Variants in INSC observed in about 807,000 individuals in gnomAD.
INSC encodes INSC spindle orientation adaptor protein, also known as protein inscuteable homolog.
Under a neutral mutation model 58.6 loss-of-function variants are expected in INSC, and 67 were observed. The ratio of observed to expected loss-of-function variants is 1.14; its 90% CI spans 0.94 to 1.40. The LOEUF (loss-of-function observed/expected upper bound fraction) is 1.40. INSC is among the 40% of genes most tolerant of loss of function. The pLI, the probability that INSC is intolerant of heterozygous loss-of-function variation, is 0.00. For synonymous variants in INSC, 262 were observed against 276.1 expected (o/e 0.95, Z 0.51); for missense variants, 714 against 692.0 (o/e 1.03, Z -0.36).
intron 7 of INSC, among the ~76,000 whole-genome samples, chr11:15,211,585 G>A (rs1414466276): frequency 6.6e-6 from 1 of 151,964 alleles, no homozygotes. Context: ...TGCTGCTTGC[G>A]TCCATTTAAG....
intron 6 of INSC, among the ~76,000 whole-genome samples, chr11:15,199,024 T>C (rs1355431255): frequency 6.6e-6 from 1 of 152,184 alleles, no homozygotes; most frequent in African/African-American, 2.4e-5. Flanking sequence ...GCTTCTGCTC[T>C]GTGTTCTTTT....
intron 12 of INSC, among the ~76,000 whole-genome samples, chr11:15,241,040 G>T (rs1433706915): frequency 6.6e-6 from 1 of 152,172 alleles, no homozygotes; most frequent in Admixed American, 6.5e-5. Context: ...CAGCCACCTG[G>T]ATCTTCACCT....
At chr11:15,237,231 T>C (rs1399116102) in intron 10 of INSC, among the ~76,000 whole-genome samples, 1 of 152,140 alleles carries the variant, frequency 6.6e-6, no homozygotes, top group African/African-American at 2.4e-5. Flanking sequence ...TTAACAAAAG[T>C]GACATATGAT....
intron 3 of INSC, 40 bp from the exon 4 acceptor site, chr11:15,177,071 T>G (rs769579675): frequency 2.0e-6 from 3 of 1,529,374 alleles, no homozygotes; most frequent in Non-Finnish European, 2.7e-6. Context: ...CCTCAGTTAA[T>G]GCTTACTGAG....
At chr11:15,159,029 A>G (rs984088438) in intron 2 of INSC, among the ~76,000 whole-genome samples, 5 of 152,116 alleles carry the variant, frequency 3.3e-5, no homozygotes, top group African/African-American at 1.2e-4. Context: ...CCCAGTGTGC[A>G]CTGGCTGTAG....
At chr11:15,156,756 C>T (rs1206128384) in intron 2 of INSC, among the ~76,000 whole-genome samples, 1 of 152,198 alleles carries the variant, frequency 6.6e-6, no homozygotes, top group Non-Finnish European at 1.5e-5. Context: ...GTTCTTGGTA[C>T]ATCGAAGATG....
chr11:15,225,290 T>A (rs775229242), intron 8 of INSC, among the ~76,000 whole-genome samples: 37 of 152,216 alleles, frequency 2.4e-4, no homozygotes, highest in Non-Finnish European at 4.6e-4. Flanking sequence ...GCATAGTAAT[T>A]TTTAAAAGCT....
At chr11:15,201,757 CTGGTACG>C (rs1850601633) in intron 7 of INSC, among the ~76,000 whole-genome samples, 1 of 152,158 alleles carries the variant, frequency 6.6e-6, no homozygotes, top group Admixed American at 6.5e-5. Context: ...GTGGAAAGGC[CTGGTACG>C]TCCTGCTACT....
intron 1 of INSC, among the ~76,000 whole-genome samples, chr11:15,116,462 C>T (rs953927144): frequency 1.2e-4 from 19 of 152,270 alleles, no homozygotes; most frequent in Admixed American, 9.1e-4. Flanking sequence ...CAGTGGTTAT[C>T]TTTTTTTCTG....
chr11:15,142,490 C>T (rs1489139631), intron 1 of INSC, among the ~76,000 whole-genome samples: 1 of 152,242 alleles, frequency 6.6e-6, no homozygotes, highest in Non-Finnish European at 1.5e-5. Context: ...TGCAGTGATG[C>T]CCTGAGAAAC....
intron 1 of INSC, among the ~76,000 whole-genome samples, chr11:15,145,725 A>G (rs1251479916): frequency 4.6e-5 from 7 of 152,194 alleles, no homozygotes; most frequent in Admixed American, 1.3e-4. Flanking sequence ...TCCTCATTCC[A>G]TATGACTGCA....
At chr11:15,253,667 C>T in the INSC span, among the ~76,000 whole-genome samples, 3 of 150,478 alleles carry the variant, frequency 2.0e-5, no homozygotes, top group African/African-American at 7.3e-5. Flanking sequence ...AAAGGTGGAA[C>T]CTTTGAAAGG....
chr11:15,176,144 G>A, intron 3 of INSC, 58 bp downstream of exon 3: 3 of 1,368,710 alleles, frequency 2.2e-6, no homozygotes, highest in Non-Finnish European at 2.9e-6. Context: ...CTTTAGAGAA[G>A]AGTGGGTTTG....
At chr11:15,253,702 G>A in the INSC span, among the ~76,000 whole-genome samples, 1 of 151,856 alleles carries the variant, frequency 6.6e-6, no homozygotes, top group Non-Finnish European at 1.5e-5. Flanking sequence ...GGAAAGAAGG[G>A]GTGACGTCAA....
chr11:15,185,268 C>G (rs975355128), intron 5 of INSC, among the ~76,000 whole-genome samples: 1 of 152,176 alleles, frequency 6.6e-6, no homozygotes, highest in Admixed American at 6.5e-5. Flanking sequence ...ACAAACTCCT[C>G]TCATTTCCCT....
intron 3 of INSC, 63 bp downstream of exon 3, chr11:15,176,149 G>A: frequency 7.5e-7 from 1 of 1,328,762 alleles, no homozygotes; most frequent in South Asian, 1.6e-5. Context: ...GAGAAGAGTG[G>A]GTTTGAATCA....
chr11:15,252,028 C>A (rs191483759), downstream of INSC, among the ~76,000 whole-genome samples: 2 of 152,156 alleles, frequency 1.3e-5, no homozygotes, highest in East Asian at 3.9e-4. Context: ...ATAAATCATA[C>A]AATGGAATAT....
chr11:15,162,287 A>G (rs1430762731), intron 2 of INSC, among the ~76,000 whole-genome samples: 2 of 152,084 alleles, frequency 1.3e-5, no homozygotes, highest in African/African-American at 4.8e-5. Flanking sequence ...TACTCTAGCC[A>G]CACTTATCTC....
In INSC at chr11:15,170,729, T is replaced by A. The variant is rs566086311; in HGVS notation, c.57-5012T>A. Among the ~76,000 whole-genome samples the A allele has an allele frequency of 1.2e-4, 19 of 152,262 alleles. No homozygotes were observed. The South Asian group carries it at 3.9e-3, about 32-fold the overall frequency. On this transcript the variant is annotated intron_variant, in intron 2 of 12. Coordinates refer to ENST00000379556, the MANE Select transcript of INSC (RefSeq NM_001042536.3). ...ATGCTCAAGCTCCTCCACCTCCAGTTTTTAATCATCCAGTTTATATGAGGT... is the reference window on the plus strand; with the variant it reads ...ATGCTCAAGCTCCTCCACCTCCAGTATTTAATCATCCAGTTTATATGAGGT...
Sources: allele counts gnomAD v4.1 joint callset (sites outside exome capture counted in the v4.1 genomes callset), GRCh38; gene constraint gnomAD v4.1.1; transcripts MANE v1.5; gene names NCBI Gene and HGNC (gene_info 2026-07-23, HGNC 2026-07-21).